SPON1: variants seen among roughly 807,000 people sequenced by gnomAD.
SPON1 encodes spondin 1.
A neutral mutation model predicts 111.7 loss-of-function variants in SPON1; 52 were observed. That is an observed-to-expected ratio of 0.47 (90% CI 0.37 to 0.59). The LOEUF is 0.59. Ranked by LOEUF, SPON1 falls within the 20% of genes least tolerant of loss-of-function variation. SPON1 has a pLI of 0.00. For synonymous variants in SPON1, 410 were observed against 395.8 expected (o/e 1.04, Z -0.43); for missense variants, 957 against 1,068.5 (o/e 0.90, Z 1.46).
chr11:14,029,008 A>T (rs782762338), intron 2 of SPON1, among the ~76,000 whole-genome samples: 3 of 152,112 alleles, frequency 2.0e-5, no homozygotes, highest in Non-Finnish European at 4.4e-5. Flanking sequence ...ACCCCTGAAA[A>T]ATTACCACTT....
rs1375259468 is a variant in SPON1 at position 13,962,747 on chromosome 11, C to G, written c.-158C>G. 1 of 665,422 alleles carries G rather than the reference C, an allele frequency of 1.5e-6. No individual in the cohort carries two copies. The highest frequency in any genetic ancestry group is 1.9e-5 in the African/African-American group (1 of 51,472). 41.2% of individuals were successfully genotyped at this position (665,422 alleles called of 1,614,324 possible). A position where few individuals can be genotyped will look rare whatever the true frequency, so the allele number is the denominator to read the frequency against. On this transcript the variant is annotated 5_prime_UTR_variant, in exon 1 of 16. Transcript: ENST00000576479. ...CAGCTCAGCGCAGCTCCGCGGCCGC[C>G]AAGCCGAGGCGGGCACGGTCTCCGA...
chr11:14,048,248 C>A (rs552275211), intron 3 of SPON1, among the ~76,000 whole-genome samples: 12 of 152,112 alleles, frequency 7.9e-5, no homozygotes, highest in African/African-American at 2.6e-4. Flanking sequence ...TCAAAACAAA[C>A]AAACAGGTTA....
chr11:14,253,005 G>A (rs1443271626), intron 7 of SPON1, among the ~76,000 whole-genome samples: 1 of 152,214 alleles, frequency 6.6e-6, no homozygotes, highest in Admixed American at 6.5e-5. Flanking sequence ...CCCAATAGAT[G>A]CAAGTACAAG....
intron 3 of SPON1, among the ~76,000 whole-genome samples, chr11:14,069,833 CTATCTACAA>C (rs1848861486): frequency 4.3e-5 from 2 of 46,084 alleles, no homozygotes; most frequent in African/African-American, 1.1e-4. Flanking sequence ...CCCTTTAACT[CTATCTACAA>C]GTCATGGAGT....
At chr11:14,031,897 T>C (rs1848561765) in intron 2 of SPON1, among the ~76,000 whole-genome samples, 1 of 152,240 alleles carries the variant, frequency 6.6e-6, no homozygotes, top group African/African-American at 2.4e-5. Flanking sequence ...TCTCAGGTTT[T>C]ACTGAAGTAG....
chr11:13,975,736 C>T (rs974431023), intron 1 of SPON1, among the ~76,000 whole-genome samples: 1 of 152,280 alleles, frequency 6.6e-6, no homozygotes, highest in Middle Eastern at 3.4e-3. Context: ...TCCCCAAAGC[C>T]AATTCTCTCC....
intron 3 of SPON1, among the ~76,000 whole-genome samples, chr11:14,055,512 C>T (rs1453970328): frequency 6.6e-6 from 1 of 152,200 alleles, no homozygotes; most frequent in African/African-American, 2.4e-5. Flanking sequence ...CTAATTCTTC[C>T]TTAACGATAG....
chr11:14,187,373 C>G (rs1554934162), intron 6 of SPON1, among the ~76,000 whole-genome samples: 1 of 152,110 alleles, frequency 6.6e-6, no homozygotes, highest in African/African-American at 2.4e-5. Context: ...CTGTCTGACC[C>G]CATAGCCTAA....
chr11:14,216,462 G>C (rs1848627459), intron 6 of SPON1, among the ~76,000 whole-genome samples: 1 of 152,174 alleles, frequency 6.6e-6, no homozygotes, highest in African/African-American at 2.4e-5. Context: ...GGTTCACTTG[G>C]TAGGGTACTC....
At chr11:14,001,096 C>T (rs373143729) in intron 2 of SPON1, among the ~76,000 whole-genome samples, 8 of 152,156 alleles carry the variant, frequency 5.3e-5, no homozygotes, top group South Asian at 4.1e-4. Flanking sequence ...GGCAAACCTT[C>T]GCCACCTCCT....
chr11:14,234,232 G>T (rs922161367), intron 6 of SPON1, among the ~76,000 whole-genome samples: 2 of 152,202 alleles, frequency 1.3e-5, no homozygotes, highest in Non-Finnish European at 2.9e-5. Context: ...CTTGCTTGAT[G>T]TTCTCTCCTG....
intron 6 of SPON1, among the ~76,000 whole-genome samples, chr11:14,150,499 A>C (rs1847774061): frequency 6.6e-6 from 1 of 152,170 alleles, no homozygotes; most frequent in Non-Finnish European, 1.5e-5. Flanking sequence ...ATGAGGTGAT[A>C]TGCATGCAAA....
At chr11:14,262,091 C>T (rs781968582) in intron 14 of SPON1, among the ~76,000 whole-genome samples, 3 of 152,294 alleles carry the variant, frequency 2.0e-5, no homozygotes, top group Non-Finnish European at 2.9e-5. Flanking sequence ...TAAGAATTTA[C>T]TGGATCTCGA....
intron 6 of SPON1, among the ~76,000 whole-genome samples, chr11:14,237,462 G>T (rs1848880957): frequency 6.6e-6 from 1 of 152,200 alleles, no homozygotes; most frequent in Admixed American, 6.5e-5. Context: ...AGGGAAAGTG[G>T]AAAGAATGTG....
intron 3 of SPON1, among the ~76,000 whole-genome samples, chr11:14,048,106 G>A (rs1004029644): frequency 1.3e-5 from 2 of 152,160 alleles, no homozygotes; most frequent in Non-Finnish European, 2.9e-5. Flanking sequence ...AGGTGTGGAG[G>A]TGCATGCCTG....
intron 6 of SPON1, among the ~76,000 whole-genome samples, chr11:14,168,964 G>A (rs1204412218): frequency 2.0e-5 from 3 of 152,146 alleles, no homozygotes; most frequent in Admixed American, 6.5e-5. Flanking sequence ...AAAAACATAT[G>A]TGTGCATGTG....
intron 1 of SPON1, among the ~76,000 whole-genome samples, chr11:13,973,051 C>G (rs1342227597): frequency 1.3e-5 from 2 of 152,112 alleles, no homozygotes; most frequent in Non-Finnish European, 2.9e-5. Context: ...CTGTGTTTTG[C>G]CCTCATTTTT....
intron 15 of SPON1, among the ~76,000 whole-genome samples, chr11:14,263,579 G>C (rs1849216586): frequency 2.0e-5 from 3 of 152,094 alleles, no homozygotes; most frequent in African/African-American, 7.2e-5. Context: ...AAATAATATT[G>C]ATCCAAGCTG....
At chr11:14,121,266 C>T (rs1298424464) in intron 5 of SPON1, among the ~76,000 whole-genome samples, 2 of 152,236 alleles carry the variant, frequency 1.3e-5, no homozygotes, top group African/African-American at 4.8e-5. Context: ...TCAAAACTTG[C>T]TAGACTTTAC....
Sources: gnomAD v4.1 joint callset for allele counts (sites outside exome capture counted in the v4.1 genomes callset) on GRCh38, gnomAD v4.1.1 for gene constraint, MANE v1.5 for transcripts, NCBI Gene and HGNC (gene_info 2026-07-23, HGNC 2026-07-21) for gene names.